Variants in PLA2G4A observed in about 807,000 individuals in gnomAD.
The protein encoded by PLA2G4A is cytosolic phospholipase A2.
A neutral mutation model predicts 81.9 loss-of-function variants in PLA2G4A; 40 were observed. The observed-to-expected ratio is 0.49, with a 90% CI of 0.38 to 0.64. The LOEUF is 0.64. Ranked by LOEUF, PLA2G4A falls within the 30% of genes least tolerant of loss-of-function variation. The pLI is 0.00. For missense variants in PLA2G4A, 715 were observed against 905.1 expected, an observed-to-expected ratio of 0.79 and a Z score of 2.69; for synonymous variants, 302 against 296.9, an observed-to-expected ratio of 1.02 and a Z score of -0.18.
intron 5 of PLA2G4A, among the ~76,000 whole-genome samples, chr1:186,894,445 T>G (rs533858768): frequency 6.6e-6 from 1 of 152,320 alleles, no homozygotes; most frequent in East Asian, 1.9e-4. Context: ...TTTAATCTCC[T>G]TTGTTGCTCC....
intron 12 of PLA2G4A, among the ~76,000 whole-genome samples, chr1:186,950,373 G>A (rs984974029): frequency 6.6e-6 from 1 of 152,016 alleles, no homozygotes; most frequent in Non-Finnish European, 1.5e-5. Context: ...TAATCAAGTT[G>A]TTATTTTTGT....
At chr1:186,880,256 T>G (rs1470601628) in intron 3 of PLA2G4A, among the ~76,000 whole-genome samples, 1 of 152,012 alleles carries the variant, frequency 6.6e-6, no homozygotes, top group Non-Finnish European at 1.5e-5. Context: ...ATAACTTAGG[T>G]AGCCTTTTAA....
intron 15 of PLA2G4A, among the ~76,000 whole-genome samples, chr1:186,967,054 T>C (rs1657158013): frequency 6.6e-6 from 1 of 152,124 alleles, no homozygotes; most frequent in Non-Finnish European, 1.5e-5. Flanking sequence ...TTCATAATAA[T>C]TAAATGGAAC....
chr1:186,831,825 G>C (rs1391603815), intron 1 of PLA2G4A, among the ~76,000 whole-genome samples: 1 of 152,096 alleles, frequency 6.6e-6, no homozygotes, highest in African/African-American at 2.4e-5. Context: ...AGAAGTTCAT[G>C]TATATACATG....
intron 3 of PLA2G4A, among the ~76,000 whole-genome samples, chr1:186,880,314 A>G (rs1433992110): frequency 6.6e-6 from 1 of 152,096 alleles, no homozygotes; most frequent in African/African-American, 2.4e-5. Flanking sequence ...AAAGAAAATC[A>G]TAAGAACAAT....
At chr1:186,860,780 A>G (rs971600347) in intron 2 of PLA2G4A, among the ~76,000 whole-genome samples, 32 of 152,126 alleles carry the variant, frequency 2.1e-4, no homozygotes, top group Non-Finnish European at 4.1e-4. Flanking sequence ...CTTCTTTACC[A>G]CACAACATAG....
chr1:186,856,803 A>G (rs1652569356), intron 2 of PLA2G4A, among the ~76,000 whole-genome samples: 1 of 151,832 alleles, frequency 6.6e-6, no homozygotes, highest in South Asian at 2.1e-4. Context: ...ATGTCAGCAT[A>G]GACCTGAAGG....
At chr1:186,902,718 C>G (rs573471670) in intron 5 of PLA2G4A, among the ~76,000 whole-genome samples, 1 of 151,852 alleles carries the variant, frequency 6.6e-6, no homozygotes, top group African/African-American at 2.4e-5. Flanking sequence ...TTGTTACCCC[C>G]GCCCCTGCCC....
intron 7 of PLA2G4A, among the ~76,000 whole-genome samples, chr1:186,915,348 T>C (rs979267431): frequency 6.6e-6 from 1 of 152,090 alleles, no homozygotes; most frequent in Admixed American, 6.6e-5. Context: ...GCTCTGCCGG[T>C]TTTATTAGTG....
intron 2 of PLA2G4A, among the ~76,000 whole-genome samples, chr1:186,867,806 C>T (rs982180974): frequency 1.3e-5 from 2 of 152,102 alleles, no homozygotes; most frequent in African/African-American, 4.8e-5. Flanking sequence ...ATTTTGTCAT[C>T]ATTAAATATG....
At chr1:186,839,119 C>A (rs1392659348) in intron 1 of PLA2G4A, among the ~76,000 whole-genome samples, 1 of 152,164 alleles carries the variant, frequency 6.6e-6, no homozygotes, top group Admixed American at 6.5e-5. Flanking sequence ...AAATCCTCTT[C>A]ACATAAAAAT....
intron 4 of PLA2G4A, among the ~76,000 whole-genome samples, chr1:186,893,638 G>A (rs1654225922): frequency 6.6e-6 from 1 of 152,014 alleles, no homozygotes; most frequent in South Asian, 2.1e-4. Context: ...GTACTCAGAA[G>A]GAAAAGATTG....
intron 1 of PLA2G4A, among the ~76,000 whole-genome samples, chr1:186,830,464 C>T (rs1268350605): frequency 1.3e-5 from 2 of 151,488 alleles, no homozygotes; most frequent in African/African-American, 2.4e-5. Context: ...AAAAACTAGC[C>T]GGACGTGGTG....
chr1:186,896,598 A>G (rs928298338), intron 5 of PLA2G4A, among the ~76,000 whole-genome samples: 1 of 152,202 alleles, frequency 6.6e-6, no homozygotes, highest in East Asian at 1.9e-4. Context: ...CATGATACAA[A>G]GACTGTTTTT....
At chr1:186,859,687 A>G (rs1652724821) in intron 2 of PLA2G4A, among the ~76,000 whole-genome samples, 2 of 152,184 alleles carry the variant, frequency 1.3e-5, no homozygotes, top group Non-Finnish European at 1.5e-5. Context: ...ATAGAAAGCT[A>G]TTATTCAGAT....
At chr1:186,940,498 G>A (rs1451338438) in intron 10 of PLA2G4A, among the ~76,000 whole-genome samples, 1 of 152,046 alleles carries the variant, frequency 6.6e-6, no homozygotes, top group African/African-American at 2.4e-5. Context: ...ATGGGGGATT[G>A]GTTCCAGGCC....
intron 1 of PLA2G4A, among the ~76,000 whole-genome samples, chr1:186,832,441 C>A (rs1651627298): frequency 6.6e-6 from 1 of 151,932 alleles, no homozygotes; most frequent in South Asian, 2.1e-4. Context: ...TTAGCGAAAT[C>A]TCATGGAATG....
intron 15 of PLA2G4A, among the ~76,000 whole-genome samples, chr1:186,967,447 G>A (rs143848403): frequency 1.5e-3 from 233 of 152,206 alleles, no homozygotes; most frequent in Middle Eastern, 3.4e-3. Flanking sequence ...CCTTCTTTGT[G>A]CACACTGTTC....
chr1:186,894,246 T>A, intron 5 of PLA2G4A, 35 bp downstream of exon 5: 1 of 795,504 alleles, frequency 1.3e-6, no homozygotes, highest in Non-Finnish European at 2.2e-6. Flanking sequence ...TCCAACCTTA[T>A]GTTAGATAAA....
Sources: gnomAD v4.1 joint callset for allele counts (sites outside exome capture counted in the v4.1 genomes callset) on GRCh38, gnomAD v4.1.1 for gene constraint, MANE v1.5 for transcripts, NCBI Gene and HGNC (gene_info 2026-07-23, HGNC 2026-07-21) for gene names.